Variants in XYLB observed in about 807,000 individuals in gnomAD.
XYLB encodes xylulose kinase.
A neutral mutation model predicts 78.7 loss-of-function variants in XYLB; 62 were observed. That is an observed-to-expected ratio of 0.79 (90% CI 0.64 to 0.97). XYLB has a LOEUF of 0.97. Ranked by LOEUF, XYLB falls within the 50% of genes least tolerant of loss-of-function variation. XYLB has a pLI of 0.00. For missense variants in XYLB, 687 were observed against 676.8 expected (o/e 1.02, Z -0.17); for synonymous variants, 245 against 247.4 (o/e 0.99, Z 0.09).
At chr3:38,375,066 G>A in intron 11 of XYLB, 78 bp from the exon 12 acceptor site, 1 of 1,142,620 alleles carries the variant, frequency 8.8e-7, no homozygotes, top group Non-Finnish European at 1.3e-6. Context: ...AAGGTGGGTG[G>A]AGTACAGCGC....
chr3:38,382,662 G>C (rs1232330615), intron 15 of XYLB, among the ~76,000 whole-genome samples: 1 of 152,182 alleles, frequency 6.6e-6, no homozygotes, highest in East Asian at 1.9e-4. Flanking sequence ...GTTGGTGCTG[G>C]AGTTGGTGGA....
At position 38,348,528 on chromosome 3, in the gene XYLB, C is replaced by CAT. The variant is rs1181147968; in HGVS notation, c.58-22_58-21insAT. ...AGAAGCTGAGGAAAATTCTACACTT[C>CAT]CTTTTTTAAAATGCCTTTCAGGTAA... On this transcript the variant is annotated intron_variant, in intron 1 of 18. Transcript: ENST00000207870. The CAT allele has an allele frequency of 3.7e-6, 6 of 1,613,232 alleles. No homozygotes were observed. In the South Asian group the frequency reaches 4.4e-5, roughly 12 times the overall value.
At chr3:38,443,871 C>T in the XYLB span, among the ~76,000 whole-genome samples, 4 of 152,122 alleles carry the variant, frequency 2.6e-5, no homozygotes, top group Non-Finnish European at 5.9e-5. Context: ...TGGGCTTTTT[C>T]CTAATTCTCC....
At chr3:38,371,295 CAG>C (rs946923704) in intron 9 of XYLB, among the ~76,000 whole-genome samples, 16 of 147,804 alleles carry the variant, frequency 1.1e-4, no homozygotes, top group African/African-American at 3.8e-4. Context: ...TTTTTTGAGA[CAG>C]AGTCTCGCTT....
intron 15 of XYLB, among the ~76,000 whole-genome samples, chr3:38,385,094 G>A (rs903689761): frequency 1.3e-5 from 2 of 152,076 alleles, no homozygotes; most frequent in African/African-American, 4.8e-5. Context: ...TTCGCCTCCC[G>A]GGTTCAAGCG....
intron 15 of XYLB, among the ~76,000 whole-genome samples, chr3:38,389,607 G>T (rs537390677): frequency 6.6e-6 from 1 of 152,140 alleles, no homozygotes; most frequent in Admixed American, 6.5e-5. Context: ...CGGACGGGGC[G>T]GCTGGCCGGG....
At chr3:38,401,069 A>G (rs754552288) in intron 18 of XYLB, 84 bp downstream of exon 18, 11 of 1,156,660 alleles carry the variant, frequency 9.5e-6, no homozygotes, top group Admixed American at 1.7e-5. Flanking sequence ...GGTCACCTAC[A>G]TTGAACGTGA....
chr3:38,416,912 G>C (rs1356527136), downstream of XYLB, among the ~76,000 whole-genome samples: 1 of 151,936 alleles, frequency 6.6e-6, no homozygotes, highest in Non-Finnish European at 1.5e-5. Flanking sequence ...CATTGTTTCC[G>C]TTGTGTTACT....
At chr3:38,365,520 C>G (rs915070811) in intron 5 of XYLB, 88 bp from the exon 6 acceptor site, 2 of 1,538,906 alleles carry the variant, frequency 1.3e-6, no homozygotes, top group Non-Finnish European at 1.8e-6. Flanking sequence ...TCATGACTGC[C>G]GTGATGGGCA....
intron 2 of XYLB, among the ~76,000 whole-genome samples, chr3:38,358,342 TG>T (rs57282077): frequency 0.012 from 1,086 of 87,224 alleles, 29 homozygotes; most frequent in African/African-American, 0.035. Flanking sequence ...TGTGTGTGTG[TG>T]TGTGTGTGTG....
chr3:38,447,309 T>A, the XYLB span, among the ~76,000 whole-genome samples: 1 of 152,096 alleles, frequency 6.6e-6, no homozygotes, highest in East Asian at 1.9e-4. Context: ...AACTCTTTTT[T>A]ATTTTATTTT....
the XYLB span, among the ~76,000 whole-genome samples, chr3:38,447,459 A>C: frequency 7.2e-6 from 1 of 138,832 alleles, no homozygotes; most frequent in Non-Finnish European, 1.5e-5. Context: ...ATGCACCACC[A>C]CATCTGGCTA....
the XYLB span, among the ~76,000 whole-genome samples, chr3:38,449,574 G>A: frequency 7.4e-3 from 1,134 of 152,280 alleles, 14 homozygotes; most frequent in African/African-American, 0.025. Context: ...GTGTTTTCAT[G>A]TGAAGATTTT....
At chr3:38,370,625 T>C (rs938227903) in intron 9 of XYLB, among the ~76,000 whole-genome samples, 2 of 152,172 alleles carry the variant, frequency 1.3e-5, no homozygotes, top group Admixed American at 1.3e-4. Flanking sequence ...CTATCAGCTT[T>C]GTGACTTTGT....
chr3:38,390,373 C>A (rs1174220019), intron 15 of XYLB, among the ~76,000 whole-genome samples: 2 of 152,116 alleles, frequency 1.3e-5, no homozygotes, highest in Admixed American at 6.5e-5. Context: ...ACCACCACAC[C>A]TGGCTAAGTT....
intron 4 of XYLB, 29 bp from the exon 5 acceptor site, chr3:38,365,170 T>C: frequency 6.2e-7 from 1 of 1,610,598 alleles, no homozygotes. Flanking sequence ...TGTGTGGTCA[T>C]GTGACCATGT....
chr3:38,392,656 T>A (rs1249416857), intron 15 of XYLB, among the ~76,000 whole-genome samples: 1 of 152,220 alleles, frequency 6.6e-6, no homozygotes, highest in East Asian at 1.9e-4. Context: ...GAATTGGCTA[T>A]GTACATTCTT....
the XYLB span, among the ~76,000 whole-genome samples, chr3:38,434,800 C>G: frequency 6.6e-6 from 1 of 152,118 alleles, no homozygotes; most frequent in Non-Finnish European, 1.5e-5. Context: ...CAATAATAAC[C>G]TTGAATGAAA....
At chr3:38,376,073 G>T (rs766991001) in intron 12 of XYLB, 44 bp from the exon 13 acceptor site, 5 of 1,367,372 alleles carry the variant, frequency 3.7e-6, no homozygotes, top group Non-Finnish European at 5.2e-6. Flanking sequence ...GGTCCAGTCA[G>T]CAAGCACCAG....
Sources: allele counts gnomAD v4.1 joint callset (sites outside exome capture counted in the v4.1 genomes callset), GRCh38; gene constraint gnomAD v4.1.1; transcripts MANE v1.5; gene names NCBI Gene and HGNC (gene_info 2026-07-23, HGNC 2026-07-21).